The following PDZD2 variants were observed in gnomAD, a reference collection of about 807,000 sequenced individuals.
PDZD2 encodes the protein PDZ domain-containing protein 2.
In PDZD2, 90 loss-of-function variants were observed where a neutral mutation model predicts 220.7. The ratio of observed to expected loss-of-function variants is 0.41; its 90% CI spans 0.34 to 0.49. PDZD2 has a LOEUF of 0.49. Ranked by LOEUF, PDZD2 falls within the 20% of genes least tolerant of loss-of-function variation. PDZD2 has a pLI of 0.28. For missense variants in PDZD2, 3,174 were observed against 3,608.5 expected (o/e 0.88, Z 3.08); for synonymous variants, 1,375 against 1,450.5 (o/e 0.95, Z 1.18).
chr5:31,691,113 C>G (rs1022463185), intron 1 of PDZD2, among the ~76,000 whole-genome samples: 9 of 152,154 alleles, frequency 5.9e-5, no homozygotes, highest in Non-Finnish European at 1.3e-4. Flanking sequence ...GTTGGCATGT[C>G]CTGAGTTTGT....
chr5:32,026,445 C>T (rs1485772542), intron 6 of PDZD2, among the ~76,000 whole-genome samples: 1 of 152,108 alleles, frequency 6.6e-6, no homozygotes, highest in Non-Finnish European at 1.5e-5. Context: ...GCCTTGTGTA[C>T]TTCTTAGGGC....
chr5:31,656,360 G>A (rs1745551692), intron 1 of PDZD2, among the ~76,000 whole-genome samples: 1 of 152,156 alleles, frequency 6.6e-6, no homozygotes, highest in Admixed American at 6.5e-5. Context: ...TTGCTACCTA[G>A]CACATGTTGC....
intron 1 of PDZD2, among the ~76,000 whole-genome samples, chr5:31,695,461 C>T (rs1409486482): frequency 6.6e-6 from 1 of 152,218 alleles, no homozygotes; most frequent in Non-Finnish European, 1.5e-5. Context: ...TCACTTACTT[C>T]AGTGTAATCC....
At chr5:32,091,907 GAGCAC>G (rs1284920706) in intron 20 of PDZD2, among the ~76,000 whole-genome samples, 2 of 152,172 alleles carry the variant, frequency 1.3e-5, no homozygotes, top group Non-Finnish European at 2.9e-5. Context: ...GAGGAAGAGA[GAGCAC>G]AGCACGGGGG....
intron 2 of PDZD2, among the ~76,000 whole-genome samples, chr5:31,841,158 A>G (rs1169582315): frequency 1.3e-5 from 2 of 152,210 alleles, no homozygotes; most frequent in Non-Finnish European, 2.9e-5. Context: ...GTGGTGGGAT[A>G]TTACTAATAT....
chr5:31,665,644 T>TCCCCCCCC (rs5867091), intron 1 of PDZD2, among the ~76,000 whole-genome samples: 54 of 119,126 alleles, frequency 4.5e-4, no homozygotes, highest in South Asian at 8.7e-4. Context: ...AAGTTCCCCC[T>TCCCCCCCC]CCCCCCCCTC....
intron 2 of PDZD2, among the ~76,000 whole-genome samples, chr5:31,837,824 C>G (rs1012825806): frequency 6.6e-6 from 1 of 152,074 alleles, no homozygotes; most frequent in Non-Finnish European, 1.5e-5. Flanking sequence ...TAGGTAGAGG[C>G]TGCAGTGAGC....
chr5:31,800,665 G>T (rs1439445418), intron 2 of PDZD2, among the ~76,000 whole-genome samples: 1 of 152,204 alleles, frequency 6.6e-6, no homozygotes, highest in South Asian at 2.1e-4. Flanking sequence ...AATGCACATG[G>T]TCTCAATACC....
At chr5:31,770,319 T>C (rs984570775) in intron 1 of PDZD2, among the ~76,000 whole-genome samples, 8 of 152,194 alleles carry the variant, frequency 5.3e-5, no homozygotes, top group Admixed American at 1.3e-4. Context: ...GGCTCAGAGA[T>C]ACTGCCAGAC....
In PDZD2 at chr5:32,089,070, T is replaced by C. The variant is rs777931238; in HGVS notation, c.5622T>C (p.Thr1874=). 6 of 1,613,572 alleles carry C rather than the reference T, an allele frequency of 3.7e-6. No homozygotes were observed. In the Middle Eastern group the frequency reaches 4.9e-4, roughly 133 times the overall value. The change falls in exon 20 of 25, where the codon ACT becomes ACC. Residue 1874 remains threonine, a synonymous_variant. Transcript: ENST00000438447. ...SKKSPAEMLL[T]NGQKAKCGPK... is the part of the protein sequence containing the mutation. ...AGAGTCCGGCAGAAATGCTTCTGAC[T>C]AATGGTCAGAAGGCAAAGTGTGGTC...
At chr5:32,034,933 C>G (rs532033115) in intron 6 of PDZD2, among the ~76,000 whole-genome samples, 1 of 152,138 alleles carries the variant, frequency 6.6e-6, no homozygotes, top group Non-Finnish European at 1.5e-5. Context: ...AGATTCTGTT[C>G]CTGCTTTTTC....
At chr5:31,716,351 T>A (rs1053565967) in intron 1 of PDZD2, among the ~76,000 whole-genome samples, 1 of 152,074 alleles carries the variant, frequency 6.6e-6, no homozygotes, top group African/African-American at 2.4e-5. Flanking sequence ...TACTCACAGA[T>A]CCTTAGAAAC....
chr5:31,761,860 CAA>C (rs112422855), intron 1 of PDZD2, among the ~76,000 whole-genome samples: 10 of 126,572 alleles, frequency 7.9e-5, no homozygotes, highest in Admixed American at 7.9e-5. Context: ...AACTACATCT[CAA>C]AAAAAAAAAA....
At chr5:32,059,117 G>A in intron 12 of PDZD2, 122 bp from the exon 13 acceptor site, 1 of 600,456 alleles carries the variant, frequency 1.7e-6, no homozygotes. Context: ...TTCTGAGTCT[G>A]GACCAGAAAT....
intron 2 of PDZD2, chr5:31,936,172 A>G (rs986231255): frequency 1.4e-5 from 14 of 987,646 alleles, no homozygotes; most frequent in Non-Finnish European, 4.8e-6. Flanking sequence ...GGGAGCTGGC[A>G]GGAAGTTGGA....
chr5:31,894,573 A>G (rs116384880), intron 2 of PDZD2, among the ~76,000 whole-genome samples: 1,839 of 152,286 alleles, frequency 0.012, 27 homozygotes, highest in Admixed American at 0.032. Context: ...AGTACATACC[A>G]AGTATATTTT....
intron 1 of PDZD2, among the ~76,000 whole-genome samples, chr5:31,728,957 C>T (rs891091930): frequency 2.0e-5 from 3 of 152,140 alleles, no homozygotes; most frequent in African/African-American, 4.8e-5. Flanking sequence ...TGGGTTCAGG[C>T]GATTCTTGTG....
chr5:32,059,176 C>G (rs73753914), intron 12 of PDZD2, 63 bp from the exon 13 acceptor site: 27,500 of 835,140 alleles, frequency 0.033, 1,233 homozygotes, highest in African/African-American at 0.18. Context: ...AAATCAGTTA[C>G]ACATTTTTTC....
rs573390175 is a variant in PDZD2 at position 31,871,912 on chromosome 5, A to G, written c.476+72188A>G. ...GCGAACACAGCTCATGGCAGCCTCA[A>G]CCTCCTGGGCTCAAGTTATCAACCC... On this transcript the variant is annotated intron_variant, in intron 2 of 24. Coordinates refer to ENST00000438447, the MANE Select transcript of PDZD2 (RefSeq NM_178140.4). Among the ~76,000 whole-genome samples the G allele has an allele frequency of 5.9e-5, 9 of 151,902 alleles. No individual in the cohort carries two copies. In the South Asian group the frequency reaches 1.9e-3, roughly 32 times the overall value.
Sources: gnomAD v4.1 joint callset for allele counts (sites outside exome capture counted in the v4.1 genomes callset) on GRCh38, gnomAD v4.1.1 for gene constraint, MANE v1.5 for transcripts, NCBI Gene and HGNC (gene_info 2026-07-23, HGNC 2026-07-21) for gene names.